OR6C1: variants seen among roughly 807,000 people sequenced by gnomAD.
OR6C1 encodes the protein olfactory receptor 6C1.
For synonymous variants in OR6C1, 157 were observed against 133.3 expected, an observed-to-expected ratio of 1.18 and a Z score of -1.22; for missense variants, 386 against 366.1, an observed-to-expected ratio of 1.05 and a Z score of -0.44.
chr12:55,321,215 A>G lies in OR6C1; in HGVS notation c.616A>G (p.Met206Val). ...ATTTTCTTGTGCTGCGTTTACTCTAATGTTCACTTTGGCATTAATATTTCT... is the reference window on the plus strand; with the variant it reads ...ATTTTCTTGTGCTGCGTTTACTCTAGTGTTCACTTTGGCATTAATATTTCT... ...MGFSCAAFTL[M>V]FTLALIFLSY... The change falls in exon 2 of 2, where the codon ATG (methionine) becomes GTG (valine). Residue 206 changes from methionine (M) to valine (V), a missense_variant. Transcript: ENST00000642104. 6.2e-7 allele frequency: 1 copy of G among 1,613,948 alleles called. No individual in the cohort carries two copies. Among genetic ancestry groups the G allele is most frequent in the Non-Finnish European group, 8.5e-7 (1 of 1,179,878 alleles).
intron 1 of OR6C1, among the ~76,000 whole-genome samples, chr12:55,315,544 C>T (rs1868394994): frequency 6.6e-6 from 1 of 151,644 alleles, no homozygotes; most frequent in South Asian, 2.1e-4. Context: ...TTTCTATACA[C>T]ACTTGTATGA....
intron 1 of OR6C1, among the ~76,000 whole-genome samples, chr12:55,315,619 C>G (rs992758585): frequency 6.6e-6 from 1 of 151,290 alleles, no homozygotes; most frequent in Non-Finnish European, 1.5e-5. Flanking sequence ...CCTATTTCTC[C>G]GGGGAAATAG....
At chr12:55,318,918 C>T (rs891724211) in intron 1 of OR6C1, among the ~76,000 whole-genome samples, 20 of 151,636 alleles carry the variant, frequency 1.3e-4, no homozygotes, top group Admixed American at 1.1e-3. Context: ...ATGACAATAT[C>T]ATCTGAACTT....
chr12:55,321,022 G>A lies in OR6C1; in HGVS notation c.423G>A (p.Leu141=), dbSNP rs371843611. ...LSIMNRRVCT[L]LVFTSWLVSF... The stretch of plus-strand genomic sequence containing the variant: ...TCATGAATCGAAGAGTCTGCACACT[G>A]CTTGTTTTTACTTCTTGGCTGGTTT... Residue 141 remains leucine (L), a synonymous_variant, in exon 2 of 2, where the codon CTG becomes CTA. Coordinates refer to ENST00000642104, the MANE Select transcript of OR6C1 (RefSeq NM_001005182.2). The A allele has an allele frequency of 1.2e-6, 2 of 1,613,564 alleles. No homozygotes were observed. The highest frequency in any genetic ancestry group is 1.7e-6 in the Non-Finnish European group (2 of 1,179,846).
At chr12:55,320,205 T>A (rs1333883249) in intron 1 of OR6C1, among the ~76,000 whole-genome samples, 2 of 152,086 alleles carry the variant, frequency 1.3e-5, no homozygotes, top group African/African-American at 4.8e-5. Context: ...AACTTTTACA[T>A]AAATAGGAAA....
At chr12:55,316,675 G>A (rs181144666) in intron 1 of OR6C1, among the ~76,000 whole-genome samples, 7 of 151,978 alleles carry the variant, frequency 4.6e-5, no homozygotes, top group African/African-American at 2.4e-5. Context: ...AAAGGACTAT[G>A]GATGCTGATA....
Position 55,321,540 on chromosome 12 carries a change from A to G in OR6C1, c.*2A>G, listed in dbSNP as rs368579499. The G allele has an allele frequency of 1.7e-5, 27 of 1,600,806 alleles. No individual in the cohort carries two copies. The highest frequency in any genetic ancestry group is 2.3e-5 in the Non-Finnish European group (27 of 1,171,694). On this transcript the variant is annotated 3_prime_UTR_variant, in exon 2 of 2. Coordinates refer to ENST00000642104, the MANE Select transcript of OR6C1 (RefSeq NM_001005182.2). ...ACTGTATTTTTCACAAGCACATGAAATGGTATGGTGTGATGAATTAGAGGC... is the reference window on the plus strand; with the variant it reads ...ACTGTATTTTTCACAAGCACATGAAGTGGTATGGTGTGATGAATTAGAGGC...
intron 1 of OR6C1, 47 bp downstream of exon 1, chr12:55,314,646 A>C (rs1298184966): frequency 6.6e-6 from 1 of 151,656 alleles, no homozygotes; most frequent in Non-Finnish European, 1.5e-5. Context: ...AAATCATAGC[A>C]TTGAATCATT....
chr12:55,321,017 A>C lies in OR6C1; in HGVS notation c.418A>C (p.Thr140Pro). 1 of 1,613,838 alleles carries C rather than the reference A, an allele frequency of 6.2e-7. No homozygotes were observed. Among genetic ancestry groups the C allele is most frequent in the South Asian group, 1.1e-5 (1 of 91,072 alleles). Reference protein sequence around the residue: ...CLSIMNRRVCTLLVFTSWLVS... With the variant: ...CLSIMNRRVCPLLVFTSWLVS... ...GAGTATCATGAATCGAAGAGTCTGC[A>C]CACTGCTTGTTTTTACTTCTTGGCT... is the stretch of plus-strand genomic sequence containing the variant. Residue 140 changes from threonine to proline, a missense_variant, in exon 2 of 2, where the codon ACA (threonine) becomes CCA (proline). Physicochemically the swap from Thr to Pro is conservative, Grantham distance 38. Coordinates refer to ENST00000642104, the MANE Select transcript of OR6C1 (RefSeq NM_001005182.2).
rs983694452 is a variant in OR6C1, at chr12:55,321,555, G to A, written c.*17G>A. 2 of 1,543,276 alleles carry A rather than the reference G, an allele frequency of 1.3e-6. No homozygotes were observed. The highest frequency in any genetic ancestry group is 1.8e-6 in the Non-Finnish European group (2 of 1,130,672). On this transcript the variant is annotated 3_prime_UTR_variant, in exon 2 of 2. Transcript: ENST00000642104. ...AGCACATGAAATGGTATGGTGTGATGAATTAGAGGCACAGGAAAGGACAAT... is the reference window on the plus strand; with the variant it reads ...AGCACATGAAATGGTATGGTGTGATAAATTAGAGGCACAGGAAAGGACAAT...
At chr12:55,317,250 A>G (rs987551228) in intron 1 of OR6C1, among the ~76,000 whole-genome samples, 9 of 152,026 alleles carry the variant, frequency 5.9e-5, no homozygotes. Flanking sequence ...CATGCTTTTA[A>G]TGAAAAATAA....
At chr12:55,317,995 A>G (rs1485678042) in intron 1 of OR6C1, among the ~76,000 whole-genome samples, 1 of 149,638 alleles carries the variant, frequency 6.7e-6, no homozygotes, top group East Asian at 1.9e-4. Context: ...ATACATACAC[A>G]TATATACACA....
At position 55,320,195 on chromosome 12, in the gene OR6C1, A is replaced by G. The variant is rs1868503730; in HGVS notation, c.-33-372A>G. Among the ~76,000 whole-genome samples the G allele has an allele frequency of 5.3e-5, 8 of 152,256 alleles. No homozygotes were observed. The South Asian group carries it at 1.7e-3, about 32-fold the overall frequency. On this transcript the variant is annotated intron_variant, in intron 1 of 1. Transcript: ENST00000642104. The stretch of plus-strand genomic sequence containing the variant: ...ATATTGAGAATCATCAGAGTAATCA[A>G]ACTTTTACATAAATAGGAAACTTGT...
chr12:55,318,772 A>G (rs1463029816), intron 1 of OR6C1, among the ~76,000 whole-genome samples: 1 of 151,314 alleles, frequency 6.6e-6, no homozygotes, highest in African/African-American at 2.4e-5. Flanking sequence ...CACAAAAACT[A>G]TGAGACAGAC....
Position 55,314,428 on chromosome 12 carries a change from C to A in OR6C1, c.-205C>A, listed in dbSNP as rs1419049268. ...CTACTATCAAAGACACATATTCTGT[C>A]TGGATAAAATGGGAAAATTAAGACA... On this transcript the variant is annotated 5_prime_UTR_variant, in exon 1 of 2. It adds an upstream start codon to the 5' untranslated region. Transcript: ENST00000642104. 6.6e-6 allele frequency: 1 copy of A among 151,350 alleles called. No individual in the cohort carries two copies. Among genetic ancestry groups the A allele is most frequent in the African/African-American group, 2.4e-5 (1 of 41,272 alleles). The allele number at this position is 151,350 out of a possible 1,614,324, so 9.4% of individuals were successfully genotyped here. A position where few individuals can be genotyped will look rare whatever the true frequency, so the allele number is the denominator to read the frequency against.
rs1351288305 is a variant in OR6C1, at chr12:55,321,739, A to C, written c.*201A>C. On this transcript the variant is annotated 3_prime_UTR_variant, in exon 2 of 2. Coordinates refer to ENST00000642104, the MANE Select transcript of OR6C1 (RefSeq NM_001005182.2). ...TTCCTGACACCCCCTCCTTTGAACA[A>C]TTTTTTGTAAAATTACAAGCTCTTC... is the stretch of plus-strand genomic sequence containing the variant. 2.5e-6 allele frequency: 1 copy of C among 404,164 alleles called. No individual in the cohort carries two copies. The highest frequency in any genetic ancestry group is 4.4e-6 in the Non-Finnish European group (1 of 229,118). 25.0% of individuals were successfully genotyped at this position (404,164 alleles called of 1,614,324 possible). A position where few individuals can be genotyped will look rare whatever the true frequency, so the allele number is the denominator to read the frequency against.
In OR6C1 at chr12:55,320,865, C is replaced by T. The variant is rs1220724869; in HGVS notation, c.266C>T (p.Thr89Ile). 1 of 1,613,662 alleles carries T rather than the reference C, an allele frequency of 6.2e-7. No homozygotes were observed. The change falls in exon 2 of 2, where the codon ACC (threonine) becomes ATC (isoleucine). Residue 89 changes from threonine (T) to isoleucine (I), a missense_variant. Physicochemically the swap from Thr to Ile is moderately conservative, Grantham distance 89. Coordinates refer to ENST00000642104, the MANE Select transcript of OR6C1 (RefSeq NM_001005182.2). Reference protein sequence around the residue: ...FLGNIISGDKTISFNNCIVQL... With the variant: ...FLGNIISGDKIISFNNCIVQL... ...GGTAACATTATTTCAGGAGATAAAA[C>T]CATTTCCTTTAATAATTGCATAGTT...
In OR6C1 at chr12:55,321,621, G is replaced by A. The variant is rs1251679929; in HGVS notation, c.*83G>A. On this transcript the variant is annotated 3_prime_UTR_variant, in exon 2 of 2. Coordinates refer to ENST00000642104, the MANE Select transcript of OR6C1 (RefSeq NM_001005182.2). ...CTTCTTCAATCAAAATGGCCTCCTT[G>A]CAGTCTTCTGCATCATTTTCTTTTC... The A allele has an allele frequency of 5.1e-6, 4 of 784,390 alleles. No homozygotes were observed. In the South Asian group the frequency reaches 6.1e-5, roughly 12 times the overall value. 48.6% of individuals were successfully genotyped at this position (784,390 alleles called of 1,614,324 possible).
Position 55,314,466 on chromosome 12 carries a change from T to C in OR6C1, c.-167T>C, listed in dbSNP as rs1007796578. ...GAAAATTAAGACAAAAGATTGAAAA[T>C]AGGAAGAAAATTTCTTCAATGAGAA... On this transcript the variant is annotated 5_prime_UTR_variant, in exon 1 of 2. Transcript: ENST00000642104. 1 of 151,554 alleles carries C rather than the reference T, an allele frequency of 6.6e-6. No individual in the cohort carries two copies. The highest frequency in any genetic ancestry group is 1.5e-5 in the Non-Finnish European group (1 of 67,706). 9.4% of individuals were successfully genotyped at this position (151,554 alleles called of 1,614,324 possible). A position where few individuals can be genotyped will look rare whatever the true frequency, so the allele number is the denominator to read the frequency against.
Sources: gnomAD v4.1 joint callset for allele counts (sites outside exome capture counted in the v4.1 genomes callset) on GRCh38, gnomAD v4.1.1 for gene constraint, MANE v1.5 for transcripts, NCBI Gene and HGNC (gene_info 2026-07-23, HGNC 2026-07-21) for gene names.